The following NRDE2 variants were observed in gnomAD, a reference collection of about 807,000 sequenced individuals.
NRDE2 encodes nuclear exosome regulator NRDE2.
Under a neutral mutation model 124.2 loss-of-function variants are expected in NRDE2, and 76 were observed. The observed-to-expected ratio is 0.61, with a 90% CI of 0.51 to 0.74. The LOEUF (loss-of-function observed/expected upper bound fraction) is 0.74, where lower values mean the gene tolerates loss of function less well. Ranked by LOEUF, NRDE2 falls within the 30% of genes least tolerant of loss-of-function variation. The pLI, the probability that NRDE2 is intolerant of heterozygous loss-of-function variation, is 0.00. For missense variants in NRDE2, 1,314 were observed against 1,417.3 expected (o/e 0.93, Z 1.17); for synonymous variants, 489 against 528.1 (o/e 0.93, Z 1.01).
chr14:90,292,248 TAG>T (rs1487960616), intron 9 of NRDE2, among the ~76,000 whole-genome samples: 1 of 152,214 alleles, frequency 6.6e-6, no homozygotes, highest in African/African-American at 2.4e-5. Context: ...TCTTGTCTTC[TAG>T]AGTCCAGTCT....
intron 1 of NRDE2, among the ~76,000 whole-genome samples, chr14:90,325,471 A>G (rs1269922731): frequency 6.6e-6 from 1 of 152,114 alleles, no homozygotes; most frequent in Non-Finnish European, 1.5e-5. Flanking sequence ...ATTTTACTAA[A>G]CATAGTCCCA....
At chr14:90,319,156 G>GA (rs1426588585) in intron 1 of NRDE2, among the ~76,000 whole-genome samples, 1 of 151,852 alleles carries the variant, frequency 6.6e-6, no homozygotes, top group Non-Finnish European at 1.5e-5. Context: ...GTGAAGGGAA[G>GA]AAAAAAAACA....
intron 8 of NRDE2, 35 bp from the exon 9 acceptor site, chr14:90,292,907 A>G: frequency 6.3e-7 from 1 of 1,588,558 alleles, no homozygotes; most frequent in Non-Finnish European, 8.6e-7. Flanking sequence ...CCTCATCAGC[A>G]AATAAAACCA....
chr14:90,291,544 C>T (rs1753294848), intron 9 of NRDE2, among the ~76,000 whole-genome samples: 1 of 152,188 alleles, frequency 6.6e-6, no homozygotes, highest in South Asian at 2.1e-4. Context: ...GCTGTGAACT[C>T]TACAAAATCC....
intron 4 of NRDE2, among the ~76,000 whole-genome samples, chr14:90,310,967 CAGTA>C (rs1884814497): frequency 6.6e-6 from 1 of 152,076 alleles, no homozygotes; most frequent in Non-Finnish European, 1.5e-5. Context: ...TTTCCATTGA[CAGTA>C]GGTAGATTAA....
In NRDE2 at chr14:90,312,457, G is replaced by A. The variant is rs778198457; in HGVS notation, c.494C>T (p.Thr165Ile). 6.2e-7 allele frequency: 1 copy of A among 1,614,076 alleles called. No individual in the cohort carries two copies. The change falls in exon 4 of 14, where the codon ACA (threonine) becomes ATA (isoleucine). Residue 165 changes from threonine to isoleucine, a missense_variant. Transcript: ENST00000354366. ...GTTCGCAGGATCTGGTTTCTTATCT[G>A]TTCTGAAGGTTTCTCCCGTCACAGC... ...IQAVTGETFRTDKKPDPANWE... is the reference protein window; with the variant it reads ...IQAVTGETFRIDKKPDPANWE...
At position 90,268,683 on chromosome 14, in the gene NRDE2, G is replaced by GT. The variant is rs1891582064; in HGVS notation, c.*9652dup. On this transcript the variant is annotated 3_prime_UTR_variant, in exon 14 of 14. Transcript: ENST00000354366. The stretch of plus-strand genomic sequence containing the variant: ...CCATCTGGACTCTAGGGACACAGTT[G>GT]TGAGCACAAGTCTCTGCCCTGGAGG... 1.5e-5 allele frequency: 5 copies of GT among 343,850 alleles called. No homozygotes were observed. Among genetic ancestry groups the GT allele is most frequent in the Non-Finnish European group, 2.1e-5 (4 of 190,488 alleles). 21.3% of individuals were successfully genotyped at this position (343,850 alleles called of 1,614,324 possible).
chr14:90,277,968 C>A lies in NRDE2; in HGVS notation c.*368G>T. The A allele has an allele frequency of 5.5e-6, 1 of 181,192 alleles. No homozygotes were observed. The highest frequency in any genetic ancestry group is 1.2e-5 in the Non-Finnish European group (1 of 84,484). 11.2% of individuals were successfully genotyped at this position (181,192 alleles called of 1,614,324 possible). ...TATCTCAGAGAGGGCCTGGCAGGAC[C>A]ACCACGACACCAGCGGAGGGAACAC... On this transcript the variant is annotated 3_prime_UTR_variant, in exon 14 of 14. Transcript: ENST00000354366.
At chr14:90,278,749 T>C (rs1291926474) in intron 13 of NRDE2, 2 of 536,298 alleles carry the variant, frequency 3.7e-6, no homozygotes, top group Non-Finnish European at 6.7e-6. Flanking sequence ...TCACCTGACC[T>C]GGGCTCTCAC....
chr14:90,303,220 A>C, intron 5 of NRDE2, 95 bp from the exon 6 acceptor site: 1 of 1,143,818 alleles, frequency 8.7e-7, no homozygotes, highest in Non-Finnish European at 1.2e-6. Context: ...CCCCCTAGGG[A>C]CTTTCTTAAA....
In NRDE2 at chr14:90,273,009, TGAGCC is replaced by T. The variant is rs1389222642; in HGVS notation, c.*5322_*5326del. On this transcript the variant is annotated 3_prime_UTR_variant, in exon 14 of 14. Transcript: ENST00000354366. ...CCTAGAGATATCTTGAAAGCCCTTC[TGAGCC>T]CTTGGGCTCAGAAATCTCATCCCTT... is the stretch of plus-strand genomic sequence containing the variant. 6.6e-6 allele frequency: 1 copy of T among 152,212 alleles called. No homozygotes were observed. Among genetic ancestry groups the T allele is most frequent in the East Asian group, 1.9e-4 (1 of 5,192 alleles). The allele number at this position is 152,212 out of a possible 1,614,324, so 9.4% of individuals were successfully genotyped here.
rs1442985792 is a variant in NRDE2, at chr14:90,273,548, A to T, written c.*4788T>A. On this transcript the variant is annotated 3_prime_UTR_variant, in exon 14 of 14. Coordinates refer to ENST00000354366, the MANE Select transcript of NRDE2 (RefSeq NM_017970.4). ...ACTCCAGCCTGGGCGACAGAGCAAG[A>T]CTCCGTCTCAAAAATAAATAAATAA... 1 of 152,110 alleles carries T rather than the reference A, an allele frequency of 6.6e-6. No homozygotes were observed. Among genetic ancestry groups the T allele is most frequent in the Admixed American group, 6.6e-5 (1 of 15,250 alleles). The allele number at this position is 152,110 out of a possible 1,614,324, so 9.4% of individuals were successfully genotyped here. A position where few individuals can be genotyped will look rare whatever the true frequency, so the allele number is the denominator to read the frequency against.
At position 90,278,530 on chromosome 14, in the gene NRDE2, G is replaced by GC. The variant is rs1223949707; in HGVS notation, c.3370-70dup. On this transcript the variant is annotated intron_variant, in intron 13 of 13. Transcript: ENST00000354366. ...CTGTCAGCCTGGAGGAGCTCAGGAA[G>GC]CAAGGGCCAGGTTCCTGGTGACCCT... 4 of 1,593,788 alleles carry GC rather than the reference G, an allele frequency of 2.5e-6. No individual in the cohort carries two copies. In the African/African-American group the frequency reaches 5.4e-5, roughly 21 times the overall value.
chr14:90,303,007 T>C lies in NRDE2; in HGVS notation c.1124A>G (p.Glu375Gly). 6.2e-7 allele frequency: 1 copy of C among 1,614,054 alleles called. No individual in the cohort carries two copies. Among genetic ancestry groups the C allele is most frequent in the Middle Eastern group, 1.6e-4 (1 of 6,062 alleles). The stretch of plus-strand genomic sequence containing the variant: ...CAGATCCACACTGCTCTGGTTGCTC[T>C]CAATGGCCCGCTCCAGAATGGCCAG... Reference protein sequence around the residue: ...KKLAILERAIESNQSSVDLKL... With the variant: ...KKLAILERAIGSNQSSVDLKL... Residue 375 changes from glutamate (E) to glycine (G), a missense_variant, in exon 6 of 14, where the codon GAG (glutamate) becomes GGG (glycine). Coordinates refer to ENST00000354366, the MANE Select transcript of NRDE2 (RefSeq NM_017970.4).
intron 12 of NRDE2, chr14:90,280,405 TCTG>T (rs2139664628): frequency 1.3e-5 from 2 of 152,360 alleles, no homozygotes; most frequent in South Asian, 4.1e-4. Context: ...AGGCTGAGCC[TCTG>T]AATTTATAAC....
At chr14:90,281,582 T>C (rs968256059) in intron 12 of NRDE2, 2 of 152,206 alleles carry the variant, frequency 1.3e-5, no homozygotes, top group Non-Finnish European at 2.9e-5. Context: ...TGGTGCTTTG[T>C]AATCACTTGT....
chr14:90,327,320 C>T (rs976516148), intron 1 of NRDE2, among the ~76,000 whole-genome samples: 9 of 152,136 alleles, frequency 5.9e-5, no homozygotes, highest in African/African-American at 1.9e-4. Flanking sequence ...GAGGCCGTGG[C>T]GGGAGCACTG....
At position 90,272,209 on chromosome 14, in the gene NRDE2, TGGAA is replaced by T; in HGVS notation, c.*6123_*6126del. The stretch of plus-strand genomic sequence containing the variant: ...GCGCCTGGCCTCAGAATAGGTTTTT[TGGAA>T]TTCCTTGTTAGAATAAAAATGAGTA... On this transcript the variant is annotated 3_prime_UTR_variant, in exon 14 of 14. Coordinates refer to ENST00000354366, the MANE Select transcript of NRDE2 (RefSeq NM_017970.4). The surrounding 1 kb of genome is among the most constrained non-coding windows in gnomAD (Gnocchi z 4.5). 6.3e-7 allele frequency: 1 copy of T among 1,579,398 alleles called. No individual in the cohort carries two copies. Among genetic ancestry groups the T allele is most frequent in the Admixed American group, 1.9e-5 (1 of 52,082 alleles).
chr14:90,280,137 T>TC (rs981325258), intron 12 of NRDE2: 5 of 152,306 alleles, frequency 3.3e-5, no homozygotes, highest in African/African-American at 1.2e-4. Flanking sequence ...GTTTTTTTTT[T>TC]CACTGTCTAT....
Sources: gnomAD v4.1 joint callset for allele counts (sites outside exome capture counted in the v4.1 genomes callset) on GRCh38, gnomAD v4.1.1 for gene constraint, Gnocchi (gnomAD v3.1) non-coding constraint, MANE v1.5 for transcripts, NCBI Gene and HGNC (gene_info 2026-07-23, HGNC 2026-07-21) for gene names.